The following MGAT4C variants were observed in gnomAD, a reference collection of about 807,000 sequenced individuals.
MGAT4C encodes alpha-1,3-mannosyl-glycoprotein 4-beta-N-acetylglucosaminyltransferase C.
A neutral mutation model predicts 40.1 loss-of-function variants in MGAT4C; 19 were observed. The ratio of observed to expected loss-of-function variants is 0.47; its 90% confidence interval spans 0.33 to 0.70. The LOEUF is 0.70. Among genes scored for constraint, MGAT4C ranks in the 30% least tolerant of loss-of-function variants. The pLI is 0.02. For synonymous variants in MGAT4C, 181 were observed against 187.1 expected, an observed-to-expected ratio of 0.97 and a Z score of 0.27; for missense variants, 491 against 563.2, an observed-to-expected ratio of 0.87 and a Z score of 1.30.
intron 1 of MGAT4C, among the ~76,000 whole-genome samples, chr12:86,218,611 TATC>T: frequency 6.6e-6 from 1 of 152,180 alleles, no homozygotes; most frequent in Non-Finnish European, 1.5e-5. Flanking sequence ...GTAGAAATCT[TATC>T]ATACCATTTA....
intron 2 of MGAT4C, among the ~76,000 whole-genome samples, chr12:86,623,826 G>A (rs565168943): frequency 5.9e-4 from 90 of 152,206 alleles, no homozygotes; most frequent in Admixed American, 4.5e-3. Flanking sequence ...TGAGCTTTGT[G>A]GTGTTTTAAT....
At position 86,792,658 on chromosome 12, in the gene MGAT4C, G is replaced by A. The variant is rs144845243; in HGVS notation, c.-262+46008C>T. On this transcript the variant is annotated intron_variant, in intron 1 of 7. Transcript: ENST00000548651. ...TTTTAAAACCTGGTTGTGGCCGGGCGCAGTGGCTCACACCTGTAATCCCAG... is the reference window on the plus strand; with the variant it reads ...TTTTAAAACCTGGTTGTGGCCGGGCACAGTGGCTCACACCTGTAATCCCAG... Among the ~76,000 whole-genome samples the A allele has an allele frequency of 9.7e-4, 148 of 152,236 alleles. 2 individuals carry two copies. Among genetic ancestry groups the A allele is most frequent in the African/African-American group, 2.1e-3 (89 of 41,534 alleles).
chr12:85,974,100 A>C lies in MGAT4C; in HGVS notation c.*5189T>G, dbSNP rs947857862. ...TCATATTTTGATCTTTTAATGTTAA[A>C]GAATTCAAATAAAAACCATAAACCT... is the stretch of plus-strand genomic sequence containing the variant. On this transcript the variant is annotated 3_prime_UTR_variant, in exon 5 of 5. Coordinates refer to ENST00000611864, the MANE Select transcript of MGAT4C (RefSeq NM_001351288.2). The C allele has an allele frequency of 4.0e-5, 6 of 150,958 alleles. No homozygotes were observed. Among genetic ancestry groups the C allele is most frequent in the East Asian group, 3.9e-4 (2 of 5,186 alleles). 9.4% of individuals were successfully genotyped at this position (150,958 alleles called of 1,614,324 possible). A position where few individuals can be genotyped will look rare whatever the true frequency, so the allele number is the denominator to read the frequency against.
chr12:86,792,435 G>A (rs1365816429), intron 1 of MGAT4C, among the ~76,000 whole-genome samples: 1 of 151,946 alleles, frequency 6.6e-6, no homozygotes, highest in Non-Finnish European at 1.5e-5. Flanking sequence ...CTGCTATCAT[G>A]GATTTTATCA....
intron 4 of MGAT4C, among the ~76,000 whole-genome samples, chr12:85,981,710 T>C (rs1884621937): frequency 6.6e-6 from 1 of 152,140 alleles, no homozygotes; most frequent in African/African-American, 2.4e-5. Context: ...CATTCTGCTT[T>C]ACAGATAGGG....
intron 1 of MGAT4C, among the ~76,000 whole-genome samples, chr12:86,230,849 A>G (rs1951287706): frequency 6.7e-6 from 1 of 150,034 alleles, no homozygotes; most frequent in South Asian, 2.1e-4. Context: ...CCTTTAACAG[A>G]TGACTACTTC....
At chr12:86,250,268 T>A (rs1228865893) in intron 1 of MGAT4C, among the ~76,000 whole-genome samples, 1 of 151,826 alleles carries the variant, frequency 6.6e-6, no homozygotes, top group Non-Finnish European at 1.5e-5. Flanking sequence ...TGAGGTAGTA[T>A]TAAGTACATG....
At chr12:86,773,945 CTTTTTTTTTTTTTT>C (rs140530916) in intron 1 of MGAT4C, among the ~76,000 whole-genome samples, 7 of 58,438 alleles carry the variant, frequency 1.2e-4, no homozygotes, top group African/African-American at 2.1e-4. Context: ...AAAGTAACTT[CTTTTTTTTTTTTTT>C]TTTTTTTTTT....
At chr12:86,773,376 G>C (rs533113689) in intron 1 of MGAT4C, among the ~76,000 whole-genome samples, 1 of 152,152 alleles carries the variant, frequency 6.6e-6, no homozygotes. Flanking sequence ...CCCTCAGAAA[G>C]AACCTACCCT....
At chr12:86,249,424 T>G (rs1004282429) in intron 1 of MGAT4C, among the ~76,000 whole-genome samples, 9 of 152,180 alleles carry the variant, frequency 5.9e-5, no homozygotes, top group African/African-American at 2.2e-4. Flanking sequence ...TTCCTGTTCC[T>G]TTGATGTGTC....
chr12:86,508,927 T>G (rs1958521064), intron 2 of MGAT4C, among the ~76,000 whole-genome samples: 1 of 151,152 alleles, frequency 6.6e-6, no homozygotes, highest in East Asian at 1.9e-4. Flanking sequence ...TCTTGTAAAT[T>G]TGTTTGAGTT....
Position 86,761,758 on chromosome 12 carries a change from T to C in MGAT4C, c.-261-34517A>G, listed in dbSNP as rs118054815. Among the ~76,000 whole-genome samples, 47 of 152,308 alleles carry C rather than the reference T, an allele frequency of 3.1e-4. No homozygotes were observed. In the East Asian group the frequency reaches 8.7e-3, roughly 28 times the overall value. On this transcript the variant is annotated intron_variant, in intron 1 of 7. Transcript: ENST00000548651. ...ATTTTTAGAGTGCATCCCTCCAACC[T>C]CTGCTTCCATCTTCATATTGATGGC...
chr12:86,473,991 T>C (rs1218693702), intron 2 of MGAT4C, among the ~76,000 whole-genome samples: 5 of 152,090 alleles, frequency 3.3e-5, no homozygotes, highest in Non-Finnish European at 1.5e-5. Context: ...GTTTCTTTGC[T>C]GCTATATAAT....
At chr12:86,323,407 A>G (rs1231857431) in intron 4 of MGAT4C, among the ~76,000 whole-genome samples, 1 of 151,696 alleles carries the variant, frequency 6.6e-6, no homozygotes, top group East Asian at 1.9e-4. Context: ...TTTCATCTTT[A>G]TTTCCTAAAA....
chr12:86,088,809 T>C (rs973437671), intron 1 of MGAT4C, among the ~76,000 whole-genome samples: 2 of 152,024 alleles, frequency 1.3e-5, no homozygotes, highest in Non-Finnish European at 2.9e-5. Flanking sequence ...TGCAAATGAA[T>C]TCAACCGTTG....
intron 1 of MGAT4C, among the ~76,000 whole-genome samples, chr12:86,171,373 A>AAAAT (rs771259007): frequency 2.6e-5 from 4 of 152,172 alleles, no homozygotes; most frequent in Admixed American, 6.5e-5. Flanking sequence ...CCATCTCAAA[A>AAAAT]AAATAAATAA....
At chr12:86,440,826 C>A (rs1291900869) in intron 2 of MGAT4C, among the ~76,000 whole-genome samples, 1 of 151,920 alleles carries the variant, frequency 6.6e-6, no homozygotes, top group African/African-American at 2.4e-5. Flanking sequence ...TTCTATATGC[C>A]AATAACAACC....
intron 1 of MGAT4C, among the ~76,000 whole-genome samples, chr12:86,237,701 C>G (rs1273599887): frequency 1.3e-5 from 2 of 151,712 alleles, no homozygotes; most frequent in African/African-American, 4.8e-5. Context: ...AGCTCACAGT[C>G]TACTTGCAAT....
chr12:86,145,141 T>C (rs1045189032), intron 1 of MGAT4C, among the ~76,000 whole-genome samples: 86 of 152,296 alleles, frequency 5.6e-4, no homozygotes, highest in African/African-American at 1.5e-3. Flanking sequence ...TAATAAGAAA[T>C]AGATCTCTAA....
Sources: gnomAD v4.1 joint callset for allele counts (sites outside exome capture counted in the v4.1 genomes callset) on GRCh38, gnomAD v4.1.1 for gene constraint, MANE v1.5 for transcripts, NCBI Gene and HGNC (gene_info 2026-07-23, HGNC 2026-07-21) for gene names.